SCO1: variants seen among roughly 807,000 people sequenced by gnomAD.
SCO1 encodes cytochrome c oxidase assembly factor SCO1.
Under a neutral mutation model 34.0 loss-of-function variants are expected in SCO1, and 23 were observed. The observed-to-expected ratio is 0.68, with a 90% CI of 0.49 to 0.96. The LOEUF (loss-of-function observed/expected upper bound fraction) is 0.96. SCO1 is among the 40% of genes least tolerant of loss of function. The pLI is 0.00. For missense variants in SCO1, 404 were observed against 381.6 expected, an observed-to-expected ratio of 1.06 and a Z score of -0.49; for synonymous variants, 161 against 145.5, an observed-to-expected ratio of 1.11 and a Z score of -0.77.
chr17:10,696,250 G>C (rs2074724950), intron 1 of SCO1, among the ~76,000 whole-genome samples: 1 of 152,038 alleles, frequency 6.6e-6, no homozygotes, highest in Non-Finnish European at 1.5e-5. Context: ...TTTGAGACCA[G>C]CATGGCCAAC....
chr17:10,681,391 G>A, intron 5 of SCO1, 138 bp from the exon 6 acceptor site: 1 of 955,218 alleles, frequency 1.0e-6, no homozygotes, highest in Non-Finnish European at 1.6e-6. Flanking sequence ...TATGGAATAG[G>A]CTTAAGTCTA....
chr17:10,697,256 G>A lies in SCO1; in HGVS notation c.252C>T (p.Ser84=). The A allele has an allele frequency of 6.4e-7, 1 of 1,561,860 alleles. No individual in the cohort carries two copies. Among genetic ancestry groups the A allele is most frequent in the Non-Finnish European group, 8.7e-7 (1 of 1,152,872 alleles). Reference sequence around the variant, plus strand: ...TCACCCCGGGCTTCGAGGGGCGCGTGGAGTCTCCGGGGCCCTTCTGCGACC... The same window carrying A: ...TCACCCCGGGCTTCGAGGGGCGCGTAGAGTCTCCGGGGCCCTTCTGCGACC... ...PPWSQKGPGD[S]TRPSKPGPVS... The change falls in exon 1 of 6, where the codon TCC becomes TCT. Residue 84 remains serine, a synonymous_variant. Transcript: ENST00000255390.
chr17:10,682,367 A>C (rs1036947946), intron 5 of SCO1, among the ~76,000 whole-genome samples: 2 of 152,196 alleles, frequency 1.3e-5, no homozygotes, highest in African/African-American at 4.8e-5. Context: ...TGTACACCAA[A>C]AGAGCGCCAA....
In SCO1 at chr17:10,686,953, T is replaced by C. The variant is rs1269949133; in HGVS notation, c.656-111A>G. 7 of 734,474 alleles carry C rather than the reference T, an allele frequency of 9.5e-6. No homozygotes were observed. In the East Asian group the frequency reaches 1.0e-4, roughly 11 times the overall value. 45.5% of individuals were successfully genotyped at this position (734,474 alleles called of 1,614,324 possible). Reference sequence around the variant, plus strand: ...CAGCTCTACTGCCACTTTCTTCCTGTGAGTCTCCAAACATTTCTTCACGAT... The same window carrying C: ...CAGCTCTACTGCCACTTTCTTCCTGCGAGTCTCCAAACATTTCTTCACGAT... On this transcript the variant is annotated intron_variant, in intron 4 of 5. Transcript: ENST00000255390.
rs927604640 is a variant in SCO1, at chr17:10,673,391, T to G, written c.*7728A>C. 2 of 152,258 alleles carry G rather than the reference T, an allele frequency of 1.3e-5. No homozygotes were observed. Among genetic ancestry groups the G allele is most frequent in the Non-Finnish European group, 1.5e-5 (1 of 68,066 alleles). 9.4% of individuals were successfully genotyped at this position (152,258 alleles called of 1,614,324 possible). On this transcript the variant is annotated 3_prime_UTR_variant, in exon 6 of 6. Coordinates refer to ENST00000255390, the MANE Select transcript of SCO1 (RefSeq NM_004589.4). ...AGTGAATGACTGTCTTGTGCTGTGATCCCGCACGTTCCCGACAGGGCTTTC... is the reference window on the plus strand; with the variant it reads ...AGTGAATGACTGTCTTGTGCTGTGAGCCCGCACGTTCCCGACAGGGCTTTC...
intron 4 of SCO1, among the ~76,000 whole-genome samples, chr17:10,690,534 TAAC>T (rs902996194): frequency 1.3e-5 from 2 of 151,976 alleles, no homozygotes; most frequent in African/African-American, 4.8e-5. Flanking sequence ...TACAAAAAAA[TAAC>T]AAATGCTGAC....
At chr17:10,685,894 T>C (rs1461746205) in intron 5 of SCO1, among the ~76,000 whole-genome samples, 1 of 152,210 alleles carries the variant, frequency 6.6e-6, no homozygotes, top group African/African-American at 2.4e-5. Flanking sequence ...GCAATTGAAT[T>C]ATGAGAACAG....
chr17:10,684,255 T>C (rs1334228773), intron 5 of SCO1, among the ~76,000 whole-genome samples: 6 of 152,344 alleles, frequency 3.9e-5, no homozygotes, highest in African/African-American at 1.4e-4. Flanking sequence ...ATCTGTGTTG[T>C]GAGTATAAAT....
chr17:10,674,562 C>T lies in SCO1; in HGVS notation c.*6557G>A, dbSNP rs1167359480. ...CCACAGACTACACTGAGTAGCAAGG[C>T]TGTAGAGGGAGTCTGAGTATTAGCT... On this transcript the variant is annotated 3_prime_UTR_variant, in exon 6 of 6. Coordinates refer to ENST00000255390, the MANE Select transcript of SCO1 (RefSeq NM_004589.4). 1 of 164,624 alleles carries T rather than the reference C, an allele frequency of 6.1e-6. No individual in the cohort carries two copies. The highest frequency in any genetic ancestry group is 1.3e-5 in the Non-Finnish European group (1 of 76,372). 10.2% of individuals were successfully genotyped at this position (164,624 alleles called of 1,614,324 possible).
Position 10,697,316 on chromosome 17 carries a change from G to C in SCO1, c.192C>G (p.Thr64=), listed in dbSNP as rs895866538. Reference sequence around the variant, plus strand: ...GCGGCCTCGCAGTGCTGAGGGGCCGGGTTCCCAGGCAATAGCCAGGGCGCC... The same window carrying C: ...GCGGCCTCGCAGTGCTGAGGGGCCGCGTTCCCAGGCAATAGCCAGGGCGCC... ...ASGRPGYCLG[T]RPLSTARPPP... Residue 64 remains threonine, a synonymous_variant, in exon 1 of 6, where the codon ACC becomes ACG. Transcript: ENST00000255390. The C allele has an allele frequency of 1.9e-6, 3 of 1,568,780 alleles. No homozygotes were observed. The African/African-American group carries it at 4.1e-5, about 21-fold the overall frequency.
chr17:10,692,470 G>GT (rs2074695832), intron 3 of SCO1, among the ~76,000 whole-genome samples: 1 of 152,212 alleles, frequency 6.6e-6, no homozygotes, highest in Non-Finnish European at 1.5e-5. Context: ...GTCACAATCA[G>GT]TGGGGAAGAG....
chr17:10,691,293 G>C (rs1013483256), intron 4 of SCO1, among the ~76,000 whole-genome samples: 1 of 152,058 alleles, frequency 6.6e-6, no homozygotes. Context: ...GCTAATTTTT[G>C]TATTTTTAGT....
At position 10,678,641 on chromosome 17, in the gene SCO1, T is replaced by C. The variant is rs577348580; in HGVS notation, c.*2478A>G. The C allele has an allele frequency of 1.3e-5, 2 of 152,330 alleles. No individual in the cohort carries two copies. The highest frequency in any genetic ancestry group is 4.8e-5 in the African/African-American group (2 of 41,576). The allele number at this position is 152,330 out of a possible 1,614,324, so 9.4% of individuals were successfully genotyped here. ...CTTTTGTTAAATGAGAATAGTCTTT[T>C]AGTAAGTTCCTTTCTTGACCAGATT... is the stretch of plus-strand genomic sequence containing the variant. On this transcript the variant is annotated 3_prime_UTR_variant, in exon 6 of 6. Transcript: ENST00000255390.
Position 10,674,238 on chromosome 17 carries a change from G to T in SCO1, c.*6881C>A, listed in dbSNP as rs113948144. The T allele has an allele frequency of 0.024, 3,938 of 161,006 alleles. 163 individuals are homozygous for T. The highest frequency in any genetic ancestry group is 0.16 in the East Asian group (865 of 5,340). The allele number at this position is 161,006 out of a possible 1,614,324, so 10.0% of individuals were successfully genotyped here. A position where few individuals can be genotyped will look rare whatever the true frequency, so the allele number is the denominator to read the frequency against. On this transcript the variant is annotated 3_prime_UTR_variant, in exon 6 of 6. Transcript: ENST00000255390. The stretch of plus-strand genomic sequence containing the variant: ...AAGACCAGCCTGGCCAACATGGCGA[G>T]ATCCTGTTTCTACTAAAAATACAAA...
In SCO1 at chr17:10,695,102, G is replaced by A. The variant is rs1049397541; in HGVS notation, c.364+639C>T. On this transcript the variant is annotated intron_variant, in intron 2 of 5. Coordinates refer to ENST00000255390, the MANE Select transcript of SCO1 (RefSeq NM_004589.4). ...TATTTCAAGATGCTAATCCAGAGCA[G>A]TTCCTGGCATTTCCTGACCAGGCTC... 5.9e-5 allele frequency among the ~76,000 whole-genome samples: 9 copies of A among 152,198 alleles called. No individual in the cohort carries two copies. In the South Asian group the frequency reaches 6.2e-4, roughly 11 times the overall value.
intron 5 of SCO1, among the ~76,000 whole-genome samples, chr17:10,684,472 C>T (rs2074642052): frequency 6.6e-6 from 1 of 152,184 alleles, no homozygotes; most frequent in Admixed American, 6.5e-5. Flanking sequence ...AGCAGTCTGA[C>T]CAAAACCCCC....
At chr17:10,688,866 C>T (rs948825777) in intron 4 of SCO1, among the ~76,000 whole-genome samples, 6 of 140,954 alleles carry the variant, frequency 4.3e-5, no homozygotes, top group Admixed American at 3.4e-4. Context: ...CCTGTAATCC[C>T]AGCACTTTGG....
chr17:10,684,130 TA>T (rs2074639134), intron 5 of SCO1: 1 of 152,260 alleles, frequency 6.6e-6, no homozygotes, highest in African/African-American at 2.4e-5. Context: ...AGTAGGCCAG[TA>T]TTTCTCAAAA....
rs1000340334 is a variant in SCO1 at position 10,691,884 on chromosome 17, T to C, written c.643A>G (p.Asn215Asp). 1.9e-6 allele frequency: 3 copies of C among 1,607,688 alleles called. No homozygotes were observed. The African/African-American group carries it at 4.0e-5, about 21-fold the overall frequency. Residue 215 changes from asparagine (N) to aspartate (D), a missense_variant, in exon 4 of 6, where the codon AAT (asparagine) becomes GAT (aspartate). Transcript: ENST00000255390. ...TTTAAAAAAATACCTTTCACATAAT[T>C]TGCGATGGCTTCTTTTGTGTCCCTC... ...PERDTKEAIA[N>D]YVKEFSPKLV...
Sources: allele counts gnomAD v4.1 joint callset (sites outside exome capture counted in the v4.1 genomes callset), GRCh38; gene constraint gnomAD v4.1.1; transcripts MANE v1.5; gene names NCBI Gene and HGNC (gene_info 2026-07-23, HGNC 2026-07-21).